Variants in GALNT13 observed in about 807,000 individuals in gnomAD.
The protein encoded by GALNT13 is polypeptide N-acetylgalactosaminyltransferase 13.
A neutral mutation model predicts 64.2 loss-of-function variants in GALNT13; 28 were observed. The observed-to-expected ratio is 0.44, with a 90% CI of 0.32 to 0.60. The LOEUF is 0.60. Ranked by LOEUF, GALNT13 falls within the 20% of genes least tolerant of loss-of-function variation. The pLI, the probability that GALNT13 is intolerant of heterozygous loss-of-function variation, is 0.05. For missense variants in GALNT13, 577 were observed against 669.8 expected (o/e 0.86, Z 1.53); for synonymous variants, 214 against 224.6 (o/e 0.95, Z 0.42).
the GALNT13 span, among the ~76,000 whole-genome samples, chr2:153,501,484 A>C: frequency 1.0e-2 from 1,518 of 152,176 alleles, 23 homozygotes; most frequent in African/African-American, 0.035. Flanking sequence ...GGCGCAAACC[A>C]CCATGCCCGG....
At chr2:154,205,577 A>T (rs1184448013) in intron 4 of GALNT13, among the ~76,000 whole-genome samples, 3 of 152,212 alleles carry the variant, frequency 2.0e-5, no homozygotes, top group African/African-American at 7.2e-5. Context: ...CCAAGACTGG[A>T]CAACTTACAA....
At chr2:153,804,618 C>T in the GALNT13 span, among the ~76,000 whole-genome samples, 3 of 151,992 alleles carry the variant, frequency 2.0e-5, no homozygotes, top group African/African-American at 4.8e-5. Flanking sequence ...AGGAAGAGTG[C>T]ATTTATTTTT....
chr2:153,303,505 A>T, the GALNT13 span, among the ~76,000 whole-genome samples: 1 of 152,156 alleles, frequency 6.6e-6, no homozygotes, highest in Non-Finnish European at 1.5e-5. Context: ...CTGCAAACAG[A>T]CAGTCAACTA....
At chr2:154,307,412 G>T (rs1257143378) in intron 9 of GALNT13, among the ~76,000 whole-genome samples, 1 of 152,144 alleles carries the variant, frequency 6.6e-6, no homozygotes, top group Non-Finnish European at 1.5e-5. Context: ...AGTTAAAAAT[G>T]AGATGTATAA....
At chr2:153,545,936 A>G in the GALNT13 span, among the ~76,000 whole-genome samples, 1 of 152,184 alleles carries the variant, frequency 6.6e-6, no homozygotes, top group Non-Finnish European at 1.5e-5. Context: ...AGCTGTAGTC[A>G]GGTTCCAGAG....
chr2:153,976,378 A>G (rs1694079029), intron 3 of GALNT13, among the ~76,000 whole-genome samples: 1 of 152,150 alleles, frequency 6.6e-6, no homozygotes, highest in Non-Finnish European at 1.5e-5. Context: ...CACCCATTTT[A>G]ATCATGAATC....
At chr2:153,300,958 C>A in the GALNT13 span, among the ~76,000 whole-genome samples, 2 of 152,092 alleles carry the variant, frequency 1.3e-5, no homozygotes, top group Non-Finnish European at 2.9e-5. Context: ...AATCCCAGCA[C>A]TTTGGGAAGC....
chr2:154,351,095 C>G (rs707030), intron 9 of GALNT13, among the ~76,000 whole-genome samples: 34,394 of 151,932 alleles, frequency 0.23, 4,799 homozygotes, highest in Admixed American at 0.33. Context: ...TCACGTGTGC[C>G]ATGTAAGAGC....
the GALNT13 span, among the ~76,000 whole-genome samples, chr2:153,521,131 T>C: frequency 2.0e-5 from 3 of 152,210 alleles, no homozygotes; most frequent in African/African-American, 4.8e-5. Flanking sequence ...TTGTAAGTTA[T>C]ATTTGTTCTA....
the GALNT13 span, among the ~76,000 whole-genome samples, chr2:153,619,077 G>GT: frequency 1.3e-5 from 2 of 151,866 alleles, no homozygotes; most frequent in Non-Finnish European, 2.9e-5. Context: ...ATTTCTGGTT[G>GT]TTTTGTGGAC....
the GALNT13 span, among the ~76,000 whole-genome samples, chr2:153,765,584 G>C: frequency 1.3e-5 from 2 of 152,268 alleles, no homozygotes; most frequent in Non-Finnish European, 2.9e-5. Flanking sequence ...ATGAGACTTT[G>C]GACTGTGGAC....
At chr2:153,186,813 G>T in the GALNT13 span, among the ~76,000 whole-genome samples, 4 of 152,248 alleles carry the variant, frequency 2.6e-5, no homozygotes, top group African/African-American at 9.6e-5. Flanking sequence ...TGATCTGCCC[G>T]CCTCAGCCTC....
the GALNT13 span, among the ~76,000 whole-genome samples, chr2:153,163,749 G>A: frequency 6.6e-6 from 1 of 152,290 alleles, no homozygotes; most frequent in South Asian, 2.1e-4. Context: ...GCCGGACGCG[G>A]AGGCTCAAGC....
At chr2:154,419,272 C>A (rs1038657331) in intron 11 of GALNT13, among the ~76,000 whole-genome samples, 1 of 152,080 alleles carries the variant, frequency 6.6e-6, no homozygotes, top group Non-Finnish European at 1.5e-5. Context: ...TGCCTGGCCA[C>A]AGTGTTTTCT....
intron 9 of GALNT13, among the ~76,000 whole-genome samples, chr2:154,336,250 C>T (rs1695440643): frequency 6.6e-6 from 1 of 152,014 alleles, no homozygotes; most frequent in Non-Finnish European, 1.5e-5. Flanking sequence ...ATAATCATTG[C>T]AGTTTATGAA....
chr2:153,225,924 A>G, the GALNT13 span, among the ~76,000 whole-genome samples: 1 of 152,094 alleles, frequency 6.6e-6, no homozygotes, highest in Non-Finnish European at 1.5e-5. Context: ...ATTCTGATCA[A>G]TGTTCCAGCA....
chr2:153,259,708 A>C, the GALNT13 span, among the ~76,000 whole-genome samples: 1 of 152,184 alleles, frequency 6.6e-6, no homozygotes, highest in Non-Finnish European at 1.5e-5. Context: ...ACCTTCTGCC[A>C]TGATAGTGAG....
At chr2:153,808,659 T>C in the GALNT13 span, among the ~76,000 whole-genome samples, 1 of 152,226 alleles carries the variant, frequency 6.6e-6, no homozygotes, top group African/African-American at 2.4e-5. Context: ...ACATGCTGTC[T>C]TTCAAGTTCA....
intron 3 of GALNT13, among the ~76,000 whole-genome samples, chr2:154,135,526 T>G (rs1455372314): frequency 6.6e-6 from 1 of 152,232 alleles, no homozygotes; most frequent in Non-Finnish European, 1.5e-5. Flanking sequence ...GCTAAATGAA[T>G]TGCTACTTGT....
Sources: allele counts gnomAD v4.1 joint callset (sites outside exome capture counted in the v4.1 genomes callset), GRCh38; gene constraint gnomAD v4.1.1; transcripts MANE v1.5; gene names NCBI Gene and HGNC (gene_info 2026-07-23, HGNC 2026-07-21).